The following CABLES1 variants were observed in gnomAD, a reference collection of about 807,000 sequenced individuals.
CABLES1 encodes Cdk5 and Abl enzyme substrate 1.
CABLES1 carries 36 observed loss-of-function variants against 57.8 expected under a neutral mutation model. The ratio of observed to expected loss-of-function variants is 0.62; its 90% CI spans 0.48 to 0.82. CABLES1 has a LOEUF of 0.82. Among genes scored for constraint, CABLES1 ranks in the 40% least tolerant of loss-of-function variants. The pLI, the probability that CABLES1 is intolerant of heterozygous loss-of-function variation, is 0.00. For synonymous variants in CABLES1, 374 were observed against 363.0 expected (o/e 1.03, Z -0.35); for missense variants, 767 against 836.6 (o/e 0.92, Z 1.03).
In CABLES1 at chr18:23,151,270, G is replaced by T. The variant is rs188024035; in HGVS notation, c.845+14663G>T. ...CTTGACCTCATGATCCGCCTGCCTC[G>T]GCCTCCCAAAGTGCTGGGATTACAT... On this transcript the variant is annotated intron_variant, in intron 1 of 9. Transcript: ENST00000256925. Among the ~76,000 whole-genome samples the T allele has an allele frequency of 5.4e-4, 82 of 151,942 alleles. No individual in the cohort carries two copies. In the East Asian group the frequency reaches 0.015, roughly 27 times the overall value.
chr18:23,244,369 G>C (rs1159621609), intron 7 of CABLES1, among the ~76,000 whole-genome samples: 3 of 152,234 alleles, frequency 2.0e-5, no homozygotes, highest in Non-Finnish European at 2.9e-5. Flanking sequence ...TTTCATTTCA[G>C]TGGGAGGGAG....
chr18:23,136,055 C>CG lies in CABLES1; in HGVS notation c.293_294insG (p.Gly99ArgfsTer201), dbSNP rs1398151745. ...GAGGGCGGCGCGGCCAAGCCGGGCG[C>CG]CGGCGGCGCCTGCGGCGCGAGGACT... On this transcript the variant is annotated frameshift_variant, in exon 1 of 10. Transcript: ENST00000256925. LOFTEE classifies it high-confidence loss of function. 2 of 700,810 alleles carry CG rather than the reference C, an allele frequency of 2.9e-6. No homozygotes were observed. The highest frequency in any genetic ancestry group is 6.1e-5 in the African/African-American group (2 of 32,668). 43.4% of individuals were successfully genotyped at this position (700,810 alleles called of 1,614,324 possible).
chr18:23,162,045 A>G (rs149458739), intron 1 of CABLES1, among the ~76,000 whole-genome samples: 11 of 152,072 alleles, frequency 7.2e-5, no homozygotes, highest in Non-Finnish European at 1.2e-4. Context: ...TGCACCTGCA[A>G]TCCCAGCTAC....
intron 3 of CABLES1, among the ~76,000 whole-genome samples, chr18:23,213,620 A>T (rs2047420283): frequency 6.6e-6 from 1 of 152,230 alleles, no homozygotes; most frequent in South Asian, 2.1e-4. Context: ...AATGGTTTAA[A>T]TGTGGCATGA....
At chr18:23,196,104 A>C (rs2047280729) in intron 3 of CABLES1, among the ~76,000 whole-genome samples, 1 of 152,230 alleles carries the variant, frequency 6.6e-6, no homozygotes, top group African/African-American at 2.4e-5. Context: ...GACTTGGATT[A>C]ATGAGATTTC....
At chr18:23,200,455 G>A (rs945795677) in intron 3 of CABLES1, among the ~76,000 whole-genome samples, 1 of 152,034 alleles carries the variant, frequency 6.6e-6, no homozygotes, top group Non-Finnish European at 1.5e-5. Flanking sequence ...GTAGAGACGG[G>A]GTTTCACCAT....
chr18:23,185,759 C>T (rs749198704), intron 1 of CABLES1, among the ~76,000 whole-genome samples: 4 of 152,306 alleles, frequency 2.6e-5, no homozygotes, highest in South Asian at 2.1e-4. Context: ...TGTGACAGAA[C>T]GTGTCGAGAT....
Position 23,135,609 on chromosome 18 carries a change from A to G in CABLES1, c.-154A>G. 2.2e-6 allele frequency: 1 copy of G among 445,372 alleles called. No homozygotes were observed. The highest frequency in any genetic ancestry group is 2.2e-5 in the African/African-American group (1 of 46,080). The allele number at this position is 445,372 out of a possible 1,614,324, so 27.6% of individuals were successfully genotyped here. ...CCATCCCCAGCACCGAGGGGCGAGC[A>G]TGGCCCGCCCGCGGGGGGGCTGGAC... On this transcript the variant is annotated 5_prime_UTR_variant, in exon 1 of 10. It removes an upstream start codon present in the reference 5' UTR. Coordinates refer to ENST00000256925, the MANE Select transcript of CABLES1 (RefSeq NM_001100619.3).
At chr18:23,189,877 AAGAACAGAGG>A (rs1311467842) in intron 2 of CABLES1, among the ~76,000 whole-genome samples, 1 of 152,244 alleles carries the variant, frequency 6.6e-6, no homozygotes. Flanking sequence ...CGCCTGCATG[AAGAACAGAGG>A]GCAGAGTGAG....
intron 4 of CABLES1, among the ~76,000 whole-genome samples, chr18:23,215,817 G>A (rs1279377662): frequency 1.3e-5 from 2 of 150,944 alleles, no homozygotes; most frequent in Non-Finnish European, 3.0e-5. Flanking sequence ...GCAGTGGTGC[G>A]ATCTCGGCTC....
intron 1 of CABLES1, among the ~76,000 whole-genome samples, chr18:23,164,337 T>G (rs2047025793): frequency 6.6e-6 from 1 of 152,214 alleles, no homozygotes; most frequent in South Asian, 2.1e-4. Context: ...CGTGGGCCAG[T>G]GCCCATCATC....
rs2048224025 is a variant in CABLES1, at chr18:23,258,636, C to G, written c.*1269C>G. 1 of 152,218 alleles carries G rather than the reference C, an allele frequency of 6.6e-6. No homozygotes were observed. Among genetic ancestry groups the G allele is most frequent in the Non-Finnish European group, 1.5e-5 (1 of 68,048 alleles). The allele number at this position is 152,218 out of a possible 1,614,324, so 9.4% of individuals were successfully genotyped here. On this transcript the variant is annotated 3_prime_UTR_variant, in exon 10 of 10. Transcript: ENST00000256925. ...GTGGCCATGTAAAAAGAGAATTAAACTCTTGTTGCTTTTTGTATACCTGTA... is the reference window on the plus strand; with the variant it reads ...GTGGCCATGTAAAAAGAGAATTAAAGTCTTGTTGCTTTTTGTATACCTGTA...
intron 4 of CABLES1, among the ~76,000 whole-genome samples, chr18:23,216,177 C>T (rs143681589): frequency 2.9e-4 from 44 of 152,300 alleles, no homozygotes; most frequent in African/African-American, 1.0e-3. Flanking sequence ...TGTCCATATT[C>T]GTTTTATTCC....
At chr18:23,241,937 A>T (rs1323611446) in intron 7 of CABLES1, among the ~76,000 whole-genome samples, 1 of 152,054 alleles carries the variant, frequency 6.6e-6, no homozygotes, top group Non-Finnish European at 1.5e-5. Context: ...AGTCACTCCC[A>T]CTGTTACCTA....
At chr18:23,158,757 G>A (rs545263883) in intron 1 of CABLES1, among the ~76,000 whole-genome samples, 5 of 152,172 alleles carry the variant, frequency 3.3e-5, no homozygotes, top group Non-Finnish European at 5.9e-5. Context: ...TGCCTCGAAC[G>A]TGTGAGGATT....
chr18:23,145,268 T>TA (rs1164261867), intron 1 of CABLES1, among the ~76,000 whole-genome samples: 1 of 151,960 alleles, frequency 6.6e-6, no homozygotes, highest in Non-Finnish European at 1.5e-5. Flanking sequence ...AGATGAGGTT[T>TA]CATCATGTTA....
At position 23,136,012 on chromosome 18, in the gene CABLES1, G is replaced by A. The variant is rs1426329230; in HGVS notation, c.250G>A (p.Glu84Lys). ...CGGCCGGCTGCCGCCGCAGGACGCG[G>A]AGTGGGGCGGTGGCGAGGAGGGCGG... ...LDGRLPPQDAEWGGGEEGGAA... is the reference protein window; with the variant it reads ...LDGRLPPQDAKWGGGEEGGAA... The change falls in exon 1 of 10, where the codon GAG becomes AAG. Residue 84 changes from glutamate (E) to lysine (K), a missense_variant. Coordinates refer to ENST00000256925, the MANE Select transcript of CABLES1 (RefSeq NM_001100619.3). The A allele has an allele frequency of 2.8e-5, 32 of 1,141,418 alleles. No individual in the cohort carries two copies. The highest frequency in any genetic ancestry group is 6.5e-5 in the African/African-American group (4 of 61,262). The allele number at this position is 1,141,418 out of a possible 1,614,324, so 70.7% of individuals were successfully genotyped here. A position where few individuals can be genotyped will look rare whatever the true frequency, so the allele number is the denominator to read the frequency against.
chr18:23,182,602 G>A (rs2047175030), intron 1 of CABLES1, among the ~76,000 whole-genome samples: 1 of 152,176 alleles, frequency 6.6e-6, no homozygotes, highest in South Asian at 2.1e-4. Flanking sequence ...TGCTCCCTGG[G>A]GATTCTGATG....
intron 1 of CABLES1, among the ~76,000 whole-genome samples, chr18:23,182,216 C>T (rs1473188059): frequency 1.3e-5 from 2 of 152,204 alleles, no homozygotes; most frequent in African/African-American, 2.4e-5. Context: ...ACATATCATC[C>T]ACCTGTTTAT....
Sources: allele counts gnomAD v4.1 joint callset (sites outside exome capture counted in the v4.1 genomes callset), GRCh38; gene constraint gnomAD v4.1.1; transcripts MANE v1.5; gene names NCBI Gene and HGNC (gene_info 2026-07-23, HGNC 2026-07-21).